PLEKHO1: variants seen among roughly 807,000 people sequenced by gnomAD.
PLEKHO1 encodes pleckstrin homology domain containing O1.
A neutral mutation model predicts 41.4 loss-of-function variants in PLEKHO1; 22 were observed. The ratio of observed to expected loss-of-function variants is 0.53; its 90% CI spans 0.38 to 0.76. The LOEUF (loss-of-function observed/expected upper bound fraction) is 0.76. Among genes scored for constraint, PLEKHO1 ranks in the 30% least tolerant of loss-of-function variants. The pLI is 0.00. For synonymous variants in PLEKHO1, 225 were observed against 210.8 expected (o/e 1.07, Z -0.58); for missense variants, 488 against 518.3 (o/e 0.94, Z 0.57).
rs1553820375 is a variant in PLEKHO1 at position 150,156,183 on chromosome 1, C to T, written c.295C>T (p.His99Tyr). 6.2e-7 allele frequency: 1 copy of T among 1,613,752 alleles called. No individual in the cohort carries two copies. Among genetic ancestry groups the T allele is most frequent in the African/African-American group, 1.3e-5 (1 of 74,886 alleles). The change falls in exon 3 of 6, where the codon CAC becomes TAC. Residue 99 changes from histidine to tyrosine, a missense_variant. By Grantham distance (83) the His-to-Tyr change is moderately conservative. Transcript: ENST00000369124. ...AAATCATAGCAAGTTTACTCTTGCC[C>T]ACTCCAAACAGCCCGGTAACACGGT... ...KKNHSKFTLA[H>Y]SKQPGNTAPN...
intron 5 of PLEKHO1, 140 bp downstream of exon 5, chr1:150,157,626 A>G (rs1328022316): frequency 8.2e-6 from 5 of 610,498 alleles, no homozygotes; most frequent in African/African-American, 1.9e-5. Context: ...CTTCCACCCA[A>G]TGCCTCTGCC....
chr1:150,158,738 A>T, intron 5 of PLEKHO1, 81 bp from the exon 6 acceptor site: 1 of 945,522 alleles, frequency 1.1e-6, no homozygotes, highest in Non-Finnish European at 1.6e-6. Flanking sequence ...GAAAATGACC[A>T]CAGCTTGCAT....
At position 150,159,348 on chromosome 1, in the gene PLEKHO1, T is replaced by A; in HGVS notation, c.1055T>A (p.Leu352Gln). ...CCGGATTCTGAGTCAGAGCAGCTGC[T>A]GCTGGAGACGGAACGGCTGCTGGGA... ...SPPDSESEQL[L>Q]LETERLLGEA... Residue 352 changes from leucine (L) to glutamine (Q), a missense_variant, in exon 6 of 6, where the codon CTG (leucine) becomes CAG (glutamine). Around this residue, in one of 3 missense-constraint regions of PLEKHO1, gnomAD observed 337 missense variants for 324.6 expected, o/e 1.04. Transcript: ENST00000369124. The A allele has an allele frequency of 6.2e-7, 1 of 1,614,204 alleles. No individual in the cohort carries two copies. The highest frequency in any genetic ancestry group is 8.5e-7 in the Non-Finnish European group (1 of 1,180,044).
At chr1:150,156,671 A>G (rs1559961991) in intron 3 of PLEKHO1, among the ~76,000 whole-genome samples, 1 of 152,108 alleles carries the variant, frequency 6.6e-6, no homozygotes, top group South Asian at 2.1e-4. Flanking sequence ...CTAATACCAT[A>G]CTAATATTCA....
intron 5 of PLEKHO1, among the ~76,000 whole-genome samples, chr1:150,157,700 A>T (rs1341719323): frequency 1.3e-5 from 2 of 152,216 alleles, no homozygotes; most frequent in Non-Finnish European, 2.9e-5. Context: ...GCTCCCAGTA[A>T]TGTTACCCTC....
At chr1:150,158,029 C>A (rs1447498045) in intron 5 of PLEKHO1, among the ~76,000 whole-genome samples, 4 of 152,180 alleles carry the variant, frequency 2.6e-5, no homozygotes, top group Non-Finnish European at 4.4e-5. Flanking sequence ...GTAATCATGC[C>A]TGCCTTGAAG....
chr1:150,151,625 TCCCCAC>T (rs1374306657), intron 2 of PLEKHO1, among the ~76,000 whole-genome samples: 3 of 149,036 alleles, frequency 2.0e-5, no homozygotes, highest in Non-Finnish European at 3.0e-5. Flanking sequence ...TGCTCTCTGT[TCCCCAC>T]CCCCACCCCA....
intron 2 of PLEKHO1, chr1:150,153,520 T>C (rs1329162736): frequency 6.6e-6 from 1 of 151,818 alleles, no homozygotes; most frequent in East Asian, 1.9e-4. Context: ...GAGTATAATC[T>C]ATATCATTTA....
Position 150,155,046 on chromosome 1 carries a change from C to T in PLEKHO1, c.178-1020C>T, listed in dbSNP as rs1428515872. 2.0e-5 allele frequency: 3 copies of T among 152,350 alleles called. No individual in the cohort carries two copies. In the East Asian group the frequency reaches 5.8e-4, roughly 29 times the overall value. The allele number at this position is 152,350 out of a possible 1,614,324, so 9.4% of individuals were successfully genotyped here. On this transcript the variant is annotated intron_variant, in intron 2 of 5. Transcript: ENST00000369124. ...ATGTTCCTAGAGCTGCTTTGCAGTG[C>T]TCAGAAAAGGCTAGTTGGGGTTGGA... is the stretch of plus-strand genomic sequence containing the variant.
intron 2 of PLEKHO1, 87 bp downstream of exon 2, chr1:150,151,145 C>A: frequency 6.7e-7 from 1 of 1,486,176 alleles, no homozygotes. Context: ...ACTCCACCCC[C>A]GTTTTGTTCC....
At position 150,159,727 on chromosome 1, in the gene PLEKHO1, AC is replaced by A. The variant is rs1163840385; in HGVS notation, c.*208del. On this transcript the variant is annotated 3_prime_UTR_variant, in exon 6 of 6. Transcript: ENST00000369124. ...TATGCCCCTCAGGTTTGAGGAAGTGACCCCGCAGCAGTAGCAGGAAGTTTTT... is the reference window on the plus strand; with the variant it reads ...TATGCCCCTCAGGTTTGAGGAAGTGACCCGCAGCAGTAGCAGGAAGTTTTT... The A allele has an allele frequency of 1.2e-5, 6 of 486,274 alleles. No individual in the cohort carries two copies. Among genetic ancestry groups the A allele is most frequent in the Admixed American group, 6.7e-5 (2 of 29,710 alleles). 30.1% of individuals were successfully genotyped at this position (486,274 alleles called of 1,614,324 possible). A position where few individuals can be genotyped will look rare whatever the true frequency, so the allele number is the denominator to read the frequency against.
intron 2 of PLEKHO1, chr1:150,154,002 G>A (rs996488959): frequency 6.6e-6 from 1 of 152,050 alleles, no homozygotes; most frequent in Non-Finnish European, 1.5e-5. Context: ...CCTACTGCTT[G>A]CCTCACCCCA....
chr1:150,157,027 C>T lies in PLEKHO1; in HGVS notation c.423+12C>T. 4.5e-6 allele frequency: 7 copies of T among 1,540,532 alleles called. No individual in the cohort carries two copies. Among genetic ancestry groups the T allele is most frequent in the Non-Finnish European group, 5.4e-6 (6 of 1,112,802 alleles). ...GTATCTTGGATGAGGTCAGGGGGCTCACTGTGGGGAGAGGGAGGAACGCTG... is the reference window on the plus strand; with the variant it reads ...GTATCTTGGATGAGGTCAGGGGGCTTACTGTGGGGAGAGGGAGGAACGCTG... On this transcript the variant is annotated intron_variant, in intron 4 of 5. Coordinates refer to ENST00000369124, the MANE Select transcript of PLEKHO1 (RefSeq NM_016274.6).
intron 1 of PLEKHO1, chr1:150,150,672 G>T (rs1553818600): frequency 4.1e-6 from 2 of 489,146 alleles, no homozygotes; most frequent in East Asian, 3.8e-5. Flanking sequence ...CTCCGCGCCC[G>T]GCCGGCGCCC....
intron 2 of PLEKHO1, chr1:150,152,702 A>AAAC (rs1159108457): frequency 1.5e-5 from 2 of 133,152 alleles, no homozygotes; most frequent in Non-Finnish European, 3.0e-5. Flanking sequence ...AAAAAAAAAA[A>AAAC]AAAAAAAAAA....
chr1:150,154,992 T>C (rs1313379139), intron 2 of PLEKHO1: 1 of 152,234 alleles, frequency 6.6e-6, no homozygotes, highest in East Asian at 1.9e-4. Flanking sequence ...GAAAACATTG[T>C]GGTCAGTTTC....
rs782041653 is a variant in PLEKHO1, at chr1:150,151,071, T to A, written c.177+13T>A. ...CTCTGAGAAGGAGGTGGGTGCCTCTTGCCTCTAACTCTCCGTTTTCTCATA... is the reference window on the plus strand; with the variant it reads ...CTCTGAGAAGGAGGTGGGTGCCTCTAGCCTCTAACTCTCCGTTTTCTCATA... On this transcript the variant is annotated intron_variant, in intron 2 of 5. Coordinates refer to ENST00000369124, the MANE Select transcript of PLEKHO1 (RefSeq NM_016274.6). The A allele has an allele frequency of 6.2e-7, 1 of 1,613,578 alleles. No homozygotes were observed.
At chr1:150,155,977 C>T (rs1315955462) in intron 2 of PLEKHO1, 89 bp from the exon 3 acceptor site, 1 of 1,289,838 alleles carries the variant, frequency 7.8e-7, no homozygotes, top group Non-Finnish European at 1.1e-6. Context: ...CTCAGGCTTC[C>T]TCTGTTTCCC....
intron 2 of PLEKHO1, among the ~76,000 whole-genome samples, chr1:150,152,113 T>A (rs1571942551): frequency 6.6e-6 from 1 of 152,208 alleles, no homozygotes; most frequent in East Asian, 1.9e-4. Context: ...CAGTAGATTA[T>A]ATTTAGGTAA....
Sources: gnomAD v4.1 joint callset for allele counts (sites outside exome capture counted in the v4.1 genomes callset) on GRCh38, gnomAD v4.1.1 for gene constraint, gnomAD v4.1.1 regional missense constraint, MANE v1.5 for transcripts, NCBI Gene and HGNC (gene_info 2026-07-23, HGNC 2026-07-21) for gene names.